Variants in BCAS3 observed in about 807,000 individuals in gnomAD.
The protein encoded by BCAS3 is BCAS4/BCAS3 fusion.
In BCAS3, 53 loss-of-function variants were observed where a neutral mutation model predicts 116.1. That is an observed-to-expected ratio of 0.46 (90% confidence interval 0.37 to 0.57). BCAS3 has a LOEUF of 0.57. BCAS3 is among the 20% of genes least tolerant of loss of function. The probability of loss-of-function intolerance (pLI) is 0.00; values close to 1 mark genes in which losing one functional copy is unlikely to be tolerated. For missense variants in BCAS3, 917 were observed against 1,165.4 expected (o/e 0.79, Z 3.10); for synonymous variants, 391 against 408.2 (o/e 0.96, Z 0.51).
At position 61,141,635 on chromosome 17, in the gene BCAS3, G is replaced by T. The variant is rs955240822; in HGVS notation, c.2425+57071G>T. 1.3e-5 allele frequency among the ~76,000 whole-genome samples: 2 copies of T among 152,076 alleles called. No homozygotes were observed. The highest frequency in any genetic ancestry group is 4.8e-5 in the African/African-American group (2 of 41,418). Reference sequence around the variant, plus strand: ...AAACTTAAACAGGCTGGGCGTGGTGGCTCACACCTGTAATCCCAGCTCTTT... The same window carrying T: ...AAACTTAAACAGGCTGGGCGTGGTGTCTCACACCTGTAATCCCAGCTCTTT... On this transcript the variant is annotated intron_variant, in intron 22 of 23. Coordinates refer to ENST00000407086, the MANE Select transcript of BCAS3 (RefSeq NM_017679.5). The surrounding 1 kb of genome is among the most constrained non-coding windows in gnomAD (Gnocchi z 4.3).
intron 22 of BCAS3, among the ~76,000 whole-genome samples, chr17:61,120,704 T>G (rs1190368666): frequency 6.6e-6 from 1 of 152,130 alleles, no homozygotes; most frequent in Non-Finnish European, 1.5e-5. Flanking sequence ...TACATATCTC[T>G]AAAAATAAGG....
At chr17:61,238,976 G>A (rs141927784) in intron 22 of BCAS3, among the ~76,000 whole-genome samples, 2 of 152,152 alleles carry the variant, frequency 1.3e-5, no homozygotes, top group African/African-American at 4.8e-5. Context: ...GTCCAGACAA[G>A]CAAACAGAAG....
At position 61,265,097 on chromosome 17, in the gene BCAS3, T is replaced by C. The variant is rs1338580608; in HGVS notation, c.2426-103230T>C. ...TACCTCACCGGGTTAGTTTGACAAT[T>C]ACATGGAGTACTATATATAAGAAAG... On this transcript the variant is annotated intron_variant, in intron 22 of 23. Transcript: ENST00000407086. The surrounding 1 kb of genome is among the most constrained non-coding windows in gnomAD (Gnocchi z 4.3). Among the ~76,000 whole-genome samples, 1 of 152,136 alleles carries C rather than the reference T, an allele frequency of 6.6e-6. No homozygotes were observed. Among genetic ancestry groups the C allele is most frequent in the Non-Finnish European group, 1.5e-5 (1 of 68,028 alleles).
rs527868613 is a variant in BCAS3 at position 61,026,071 on chromosome 17, C to G, written c.1638-8595C>G. 6.9e-4 allele frequency among the ~76,000 whole-genome samples: 105 copies of G among 152,174 alleles called. No individual in the cohort carries two copies. Among genetic ancestry groups the G allele is most frequent in the African/African-American group, 2.5e-3 (103 of 41,558 alleles). On this transcript the variant is annotated intron_variant, in intron 16 of 23. Transcript: ENST00000407086. The surrounding 1 kb of genome is among the most constrained non-coding windows in gnomAD (Gnocchi z 5.0). ...GGATATCATTAAATCACTCAGTTTT[C>G]TTTATGTGCAGATGTGCATGGCATA...
chr17:60,856,445 T>A (rs1253466038), intron 7 of BCAS3, among the ~76,000 whole-genome samples: 1 of 152,168 alleles, frequency 6.6e-6, no homozygotes, highest in Non-Finnish European at 1.5e-5. Flanking sequence ...TCCCAGCACT[T>A]TCGGGGGCCA....
intron 22 of BCAS3, among the ~76,000 whole-genome samples, chr17:61,182,560 A>G (rs2079543153): frequency 6.6e-6 from 1 of 152,226 alleles, no homozygotes; most frequent in Admixed American, 6.5e-5. Context: ...GTAAGTATAC[A>G]ATTTAATGAT....
chr17:60,898,030 G>C (rs755467572), intron 10 of BCAS3, among the ~76,000 whole-genome samples: 3 of 151,912 alleles, frequency 2.0e-5, no homozygotes, highest in Non-Finnish European at 4.4e-5. Context: ...ATGAGCCACT[G>C]TACCTGGCCA....
chr17:60,947,802 T>C (rs2060595827), intron 14 of BCAS3, among the ~76,000 whole-genome samples: 1 of 152,208 alleles, frequency 6.6e-6, no homozygotes, highest in Non-Finnish European at 1.5e-5. Flanking sequence ...ATGAATACAG[T>C]GGAGGCTAGT....
chr17:60,951,449 A>C (rs1241840154), intron 14 of BCAS3, among the ~76,000 whole-genome samples: 1 of 152,142 alleles, frequency 6.6e-6, no homozygotes, highest in Non-Finnish European at 1.5e-5. Flanking sequence ...AAAACATCAA[A>C]GTTACCTGAC....
chr17:60,903,142 A>G (rs1481895860), intron 11 of BCAS3, among the ~76,000 whole-genome samples: 1 of 152,184 alleles, frequency 6.6e-6, no homozygotes, highest in Admixed American at 6.5e-5. Context: ...GGTAAACTTT[A>G]TGCTGATTAT....
In BCAS3 at chr17:61,239,924, A is replaced by T. The variant is rs1447180960; in HGVS notation, c.2426-128403A>T. On this transcript the variant is annotated intron_variant, in intron 22 of 23. Coordinates refer to ENST00000407086, the MANE Select transcript of BCAS3 (RefSeq NM_017679.5). This position sits in a 1 kb window ranked among gnomAD's most constrained non-coding sequence, Gnocchi z 4.2. ...AAAGAACACTCAGGTATGTGAAGCC[A>T]TAATTGTTGTGTTGGAAGTTCTCAG... Among the ~76,000 whole-genome samples, 1 of 152,242 alleles carries T rather than the reference A, an allele frequency of 6.6e-6. No individual in the cohort carries two copies. Among genetic ancestry groups the T allele is most frequent in the African/African-American group, 2.4e-5 (1 of 41,464 alleles).
At chr17:60,877,711 CT>C (rs2055743566) in intron 9 of BCAS3, among the ~76,000 whole-genome samples, 1 of 152,120 alleles carries the variant, frequency 6.6e-6, no homozygotes, top group South Asian at 2.1e-4. Flanking sequence ...TGAAATGCAG[CT>C]TTTAGTTAAG....
At chr17:61,272,925 C>A (rs2050434595) in intron 22 of BCAS3, among the ~76,000 whole-genome samples, 1 of 151,990 alleles carries the variant, frequency 6.6e-6, no homozygotes, top group Non-Finnish European at 1.5e-5. Flanking sequence ...CATTAGATCT[C>A]CTATGCCCTC....
At chr17:61,267,932 A>G (rs752275340) in intron 22 of BCAS3, among the ~76,000 whole-genome samples, 1 of 152,076 alleles carries the variant, frequency 6.6e-6, no homozygotes, top group Non-Finnish European at 1.5e-5. Flanking sequence ...AAGCTCACCG[A>G]AAACCCATAC....
chr17:60,739,868 G>GTTTT (rs1203592870), intron 5 of BCAS3, among the ~76,000 whole-genome samples: 6 of 146,920 alleles, frequency 4.1e-5, no homozygotes, highest in African/African-American at 1.3e-4. Flanking sequence ...AGAGGTTGCT[G>GTTTT]TTTTTTTTGT....
At chr17:60,824,134 G>A (rs552003155) in intron 7 of BCAS3, among the ~76,000 whole-genome samples, 6 of 152,164 alleles carry the variant, frequency 3.9e-5, no homozygotes, top group African/African-American at 1.4e-4. Flanking sequence ...ATTCATTACA[G>A]TTTTTCCCGT....
intron 22 of BCAS3, among the ~76,000 whole-genome samples, chr17:61,322,879 A>AGAGAGAGAG (rs2144827578): frequency 7.1e-6 from 1 of 140,574 alleles, no homozygotes; most frequent in African/African-American, 2.7e-5. Context: ...AGAGAGAGAG[A>AGAGAGAGAG]GGTGGTGGGG....
chr17:61,114,315 G>A (rs1479026704), intron 22 of BCAS3, among the ~76,000 whole-genome samples: 3 of 143,312 alleles, frequency 2.1e-5, no homozygotes, highest in Admixed American at 1.4e-4. Flanking sequence ...GTTTGCAGAT[G>A]ACATGATTGT....
intron 19 of BCAS3, among the ~76,000 whole-genome samples, chr17:61,054,378 A>G (rs1438233854): frequency 6.6e-6 from 1 of 151,918 alleles, no homozygotes; most frequent in Non-Finnish European, 1.5e-5. Flanking sequence ...TTTTTTGGCC[A>G]GGGGGAGACA....
Sources: gnomAD v4.1 joint callset for allele counts (sites outside exome capture counted in the v4.1 genomes callset) on GRCh38, gnomAD v4.1.1 for gene constraint, Gnocchi (gnomAD v3.1) non-coding constraint, MANE v1.5 for transcripts, NCBI Gene and HGNC (gene_info 2026-07-23, HGNC 2026-07-21) for gene names.